ARHGAP22: variants seen among roughly 807,000 people sequenced by gnomAD.
The protein encoded by ARHGAP22 is rho GTPase-activating protein 22.
Under a neutral mutation model 59.1 loss-of-function variants are expected in ARHGAP22, and 48 were observed. The observed-to-expected ratio is 0.81, with a 90% CI of 0.64 to 1.03. ARHGAP22 has a LOEUF of 1.03. ARHGAP22 is among the 50% of genes least tolerant of loss of function. ARHGAP22 has a pLI of 0.00. For synonymous variants in ARHGAP22, 445 were observed against 416.4 expected (o/e 1.07, Z -0.84); for missense variants, 1,015 against 958.7 (o/e 1.06, Z -0.78).
chr10:48,592,053 A>T (rs1197063767), intron 1 of ARHGAP22, among the ~76,000 whole-genome samples: 1 of 152,242 alleles, frequency 6.6e-6, no homozygotes, highest in African/African-American at 2.4e-5. Context: ...GAAAATGGAC[A>T]AACTGTGCTA....
chr10:48,577,801 G>GTTTTTTTTTTTTT lies in ARHGAP22; in HGVS notation c.234+5139_234+5151dup, dbSNP rs34557935. On this transcript the variant is annotated intron_variant, in intron 2 of 9. Coordinates refer to ENST00000249601, the MANE Select transcript of ARHGAP22 (RefSeq NM_021226.4). ...TCTGAGATCTAACTGCTCTTTTTTGGTTTTTTTTTTTTTTTTTTTTTTTTT... is the reference window on the plus strand; with the variant it reads ...TCTGAGATCTAACTGCTCTTTTTTGGTTTTTTTTTTTTTTTTTTTTTTTTTTTTTTTTTTTTTT... Among the ~76,000 whole-genome samples, 416 of 59,166 alleles carry GTTTTTTTTTTTTT rather than the reference G, an allele frequency of 7.0e-3. 80 individuals are homozygous for GTTTTTTTTTTTTT. Among genetic ancestry groups the GTTTTTTTTTTTTT allele is most frequent in the East Asian group, 0.042 (52 of 1,244 alleles). The allele number at this position is 59,166 out of a possible 152,430, so 38.8% of individuals were successfully genotyped here.
At chr10:48,569,371 G>A (rs1195778646) in intron 2 of ARHGAP22, among the ~76,000 whole-genome samples, 6 of 152,158 alleles carry the variant, frequency 3.9e-5, no homozygotes, top group Non-Finnish European at 8.8e-5. Context: ...CATCGTCCTC[G>A]GCAGCCCTTC....
intron 1 of ARHGAP22, among the ~76,000 whole-genome samples, chr10:48,595,322 G>A (rs1198168869): frequency 1.3e-5 from 2 of 152,166 alleles, no homozygotes; most frequent in Non-Finnish European, 2.9e-5. Flanking sequence ...AGAGAGATGG[G>A]GTATTGGAAG....
At chr10:48,561,235 G>A (rs528286564) in intron 2 of ARHGAP22, among the ~76,000 whole-genome samples, 2 of 152,140 alleles carry the variant, frequency 1.3e-5, no homozygotes, top group African/African-American at 4.8e-5. Context: ...TTTTGACAAA[G>A]GTGTAAAGGC....
upstream of ARHGAP22, among the ~76,000 whole-genome samples, chr10:48,607,918 G>T (rs903498796): frequency 4.6e-5 from 7 of 152,246 alleles, no homozygotes; most frequent in Admixed American, 3.3e-4. Context: ...CACACCTGTT[G>T]GTGGGATGGC....
At chr10:48,648,949 C>G (rs2062433478) in intron 1 of ARHGAP22, among the ~76,000 whole-genome samples, 1 of 152,130 alleles carries the variant, frequency 6.6e-6, no homozygotes, top group Non-Finnish European at 1.5e-5. Context: ...AAGAGTCTTG[C>G]TCTGTGCAGT....
chr10:48,437,364 G>T, the ARHGAP22 span: 4 of 149,744 alleles, frequency 2.7e-5, no homozygotes, highest in Admixed American at 6.6e-5. Context: ...TTTTTTTTTT[G>T]AAGAGAAGTT....
intron 1 of ARHGAP22, among the ~76,000 whole-genome samples, chr10:48,584,576 C>T (rs746502402): frequency 2.0e-5 from 3 of 152,222 alleles, no homozygotes; most frequent in Non-Finnish European, 4.4e-5. Context: ...CCCACTTCTA[C>T]ATGCGTGTCC....
the ARHGAP22 span, chr10:48,435,043 CGGGGGGTGGGAGGGAT>C: frequency 1.6e-5 from 4 of 248,610 alleles, no homozygotes; most frequent in Non-Finnish European, 2.3e-5. Flanking sequence ...CTTGGGCCAT[CGGGGGGTGGGAGGGAT>C]GGGGAGTCGG....
chr10:48,631,571 T>C (rs2061629908), intron 1 of ARHGAP22, among the ~76,000 whole-genome samples: 1 of 152,220 alleles, frequency 6.6e-6, no homozygotes, highest in South Asian at 2.1e-4. Context: ...TTTTGCAATA[T>C]ATATTTACAG....
chr10:48,550,148 C>T (rs1303936871), intron 3 of ARHGAP22, among the ~76,000 whole-genome samples: 1 of 152,216 alleles, frequency 6.6e-6, no homozygotes, highest in African/African-American at 2.4e-5. Flanking sequence ...CTGACTCTCA[C>T]TTAACCTTCA....
chr10:48,601,388 G>A (rs1275964173), intron 1 of ARHGAP22, among the ~76,000 whole-genome samples: 3 of 152,216 alleles, frequency 2.0e-5, no homozygotes, highest in Admixed American at 2.0e-4. Context: ...AAACCCAGGA[G>A]TGTCCTATCC....
chr10:48,598,405 C>T (rs556566791), intron 1 of ARHGAP22, among the ~76,000 whole-genome samples: 5 of 152,250 alleles, frequency 3.3e-5, no homozygotes, highest in African/African-American at 1.2e-4. Flanking sequence ...CTGAAACACT[C>T]TGGTACTTAC....
At position 48,539,290 on chromosome 10, in the gene ARHGAP22, C is replaced by CTTTTTTTTTTTTTTTTTTTTT. The variant is rs553835954; in HGVS notation, c.322+16172_322+16173insAAAAAAAAAAAAAAAAAAAAA. On this transcript the variant is annotated intron_variant, in intron 3 of 9. Coordinates refer to ENST00000249601, the MANE Select transcript of ARHGAP22 (RefSeq NM_021226.4). ...CTAACAATTAGTATGAGAAGGGTAA[C>CTTTTTTTTTTTTTTTTTTTTT]ATTTTTTTTTTTTTTTTTTGAGACG... Among the ~76,000 whole-genome samples, 14 of 129,336 alleles carry CTTTTTTTTTTTTTTTTTTTTT rather than the reference C, an allele frequency of 1.1e-4. 4 individuals carry two copies. The highest frequency in any genetic ancestry group is 4.4e-4 in the African/African-American group (14 of 32,002). The allele number at this position is 129,336 out of a possible 152,430, so 84.8% of individuals were successfully genotyped here. A position where few individuals can be genotyped will look rare whatever the true frequency, so the allele number is the denominator to read the frequency against.
intron 1 of ARHGAP22, among the ~76,000 whole-genome samples, chr10:48,643,719 T>C (rs1156743911): frequency 2.0e-5 from 3 of 147,626 alleles, no homozygotes; most frequent in Non-Finnish European, 3.0e-5. Context: ...AACCTGCATG[T>C]TATGCACATG....
chr10:48,489,777 A>G (rs1589708414), intron 3 of ARHGAP22, among the ~76,000 whole-genome samples: 2 of 127,562 alleles, frequency 1.6e-5, no homozygotes, highest in East Asian at 4.5e-4. Context: ...ACTGTAGCCC[A>G]GGCTGGAGTG....
intron 1 of ARHGAP22, among the ~76,000 whole-genome samples, chr10:48,621,870 G>T (rs556482001): frequency 6.6e-6 from 1 of 152,268 alleles, no homozygotes; most frequent in African/African-American, 2.4e-5. Flanking sequence ...CTTCTTGAAA[G>T]ATTAATGCTT....
At chr10:48,603,851 G>A (rs1199889490) in intron 1 of ARHGAP22, among the ~76,000 whole-genome samples, 1 of 152,202 alleles carries the variant, frequency 6.6e-6, no homozygotes, top group Admixed American at 6.5e-5. Context: ...GAATCCACAG[G>A]AGGCTGGAGG....
intron 1 of ARHGAP22, among the ~76,000 whole-genome samples, chr10:48,647,181 GT>G (rs1178967206): frequency 6.6e-6 from 1 of 152,170 alleles, no homozygotes; most frequent in Non-Finnish European, 1.5e-5. Flanking sequence ...ATCACCTAAA[GT>G]CAGGAGTTTG....
Sources: allele counts gnomAD v4.1 joint callset (sites outside exome capture counted in the v4.1 genomes callset), GRCh38; gene constraint gnomAD v4.1.1; transcripts MANE v1.5; gene names NCBI Gene and HGNC (gene_info 2026-07-23, HGNC 2026-07-21).